The following SERPINB11 variants were observed in gnomAD, a reference collection of about 807,000 sequenced individuals.
SERPINB11 encodes the protein serpin family B member 11, also known as serpin B11.
In SERPINB11, 32 loss-of-function variants were observed where a neutral mutation model predicts 36.7. That is an observed-to-expected ratio of 0.87 (90% CI 0.66 to 1.17). The LOEUF (loss-of-function observed/expected upper bound fraction) is 1.17, where lower values mean the gene tolerates loss of function less well. SERPINB11 is among the 50% of genes most tolerant of loss of function. The pLI, the probability that SERPINB11 is intolerant of heterozygous loss-of-function variation, is 0.00. For synonymous variants in SERPINB11, 174 were observed against 168.1 expected, an observed-to-expected ratio of 1.04 and a Z score of -0.27; for missense variants, 528 against 458.4, an observed-to-expected ratio of 1.15 and a Z score of -1.39.
Position 63,723,482 on chromosome 18 carries a change from C to G in SERPINB11, c.*83C>G. The G allele has an allele frequency of 8.2e-7, 1 of 1,220,190 alleles. No individual in the cohort carries two copies. Among genetic ancestry groups the G allele is most frequent in the Non-Finnish European group, 1.2e-6 (1 of 868,074 alleles). The allele number at this position is 1,220,190 out of a possible 1,614,324, so 75.6% of individuals were successfully genotyped here. A position where few individuals can be genotyped will look rare whatever the true frequency, so the allele number is the denominator to read the frequency against. On this transcript the variant is annotated 3_prime_UTR_variant, in exon 8 of 8. Transcript: ENST00000544088. ...ACTTTCCCACGGCCAAAAAGCTGTT[C>G]ACACCTCACACACCTCTGTGCCTCA...
At chr18:63,719,445 C>A (rs1222049456) in intron 5 of SERPINB11, among the ~76,000 whole-genome samples, 1 of 151,834 alleles carries the variant, frequency 6.6e-6, no homozygotes, top group African/African-American at 2.4e-5. Flanking sequence ...TGCAATGTAC[C>A]AAAATGCACC....
At chr18:63,703,742 T>A (rs1032675571) in intron 1 of SERPINB11, among the ~76,000 whole-genome samples, 2 of 152,148 alleles carry the variant, frequency 1.3e-5, no homozygotes, top group South Asian at 2.1e-4. Context: ...CCCTTGGAGA[T>A]GTATTTCCCC....
intron 1 of SERPINB11, among the ~76,000 whole-genome samples, chr18:63,707,797 C>A (rs1273916177): frequency 6.6e-6 from 1 of 152,126 alleles, no homozygotes; most frequent in Non-Finnish European, 1.5e-5. Context: ...TGTCTAGATG[C>A]TGGAATAAAA....
chr18:63,720,072 G>A lies in SERPINB11; in HGVS notation c.535G>A (p.Val179Met), dbSNP rs970923488. The change falls in exon 6 of 8, where the codon GTG (valine) becomes ATG (methionine). Residue 179 changes from valine to methionine, a missense_variant. Val to Met is a conservative substitution (Grantham distance 21). Transcript: ENST00000544088. Reference protein sequence around the residue: ...TIDPSSVMVLVNAIYFKGQWQ... With the variant: ...TIDPSSVMVLMNAIYFKGQWQ... ...TGACCCTTCATCTGTAATGGTCCTG[G>A]TGAATGCCATATATTTCAAAGGACA... is the stretch of plus-strand genomic sequence containing the variant. 1 of 1,610,360 alleles carries A rather than the reference G, an allele frequency of 6.2e-7. No homozygotes were observed. Among genetic ancestry groups the A allele is most frequent in the African/African-American group, 1.3e-5 (1 of 74,760 alleles).
intron 1 of SERPINB11, among the ~76,000 whole-genome samples, chr18:63,709,580 C>G (rs1033189345): frequency 2.3e-5 from 3 of 132,616 alleles, no homozygotes; most frequent in African/African-American, 8.1e-5. Flanking sequence ...CACTGCACTC[C>G]AGTCTGGGCG....
intron 4 of SERPINB11, among the ~76,000 whole-genome samples, chr18:63,714,704 T>G (rs1914621802): frequency 6.6e-6 from 1 of 152,204 alleles, no homozygotes; most frequent in Non-Finnish European, 1.5e-5. Context: ...ATCTCCCTAG[T>G]TCCCTGAACA....
At position 63,723,880 on chromosome 18, in the gene SERPINB11, A is replaced by G. The variant is rs1041189521; in HGVS notation, c.*481A>G. ...CTGTTGAGAATAATAAATGCATGAAATACCTTAAAGCTCTGTGAAGACTTG... is the reference window on the plus strand; with the variant it reads ...CTGTTGAGAATAATAAATGCATGAAGTACCTTAAAGCTCTGTGAAGACTTG... On this transcript the variant is annotated 3_prime_UTR_variant, in exon 8 of 8. Coordinates refer to ENST00000544088, the MANE Select transcript of SERPINB11 (RefSeq NM_001370475.1). 3 of 154,978 alleles carry G rather than the reference A, an allele frequency of 1.9e-5. No individual in the cohort carries two copies. The highest frequency in any genetic ancestry group is 7.2e-5 in the African/African-American group (3 of 41,542). 9.6% of individuals were successfully genotyped at this position (154,978 alleles called of 1,614,324 possible).
At chr18:63,710,502 T>C in intron 2 of SERPINB11, 141 bp downstream of exon 2, 2 of 643,800 alleles carry the variant, frequency 3.1e-6, no homozygotes, top group South Asian at 5.5e-5. Flanking sequence ...ATCATATTTC[T>C]TAAAAATTGA....
rs1166660165 is a variant in SERPINB11, at chr18:63,723,529, G to T, written c.*130G>T. On this transcript the variant is annotated 3_prime_UTR_variant, in exon 8 of 8. Transcript: ENST00000544088. ...CTCAGTTTGCTCATCTGCAAAATAGGTCTAGGATTTCTTCCAACCATTTCA... is the reference window on the plus strand; with the variant it reads ...CTCAGTTTGCTCATCTGCAAAATAGTTCTAGGATTTCTTCCAACCATTTCA... The T allele has an allele frequency of 2.5e-6, 2 of 785,428 alleles. No homozygotes were observed. Among genetic ancestry groups the T allele is most frequent in the Non-Finnish European group, 4.0e-6 (2 of 497,332 alleles). The allele number at this position is 785,428 out of a possible 1,614,324, so 48.7% of individuals were successfully genotyped here. A position where few individuals can be genotyped will look rare whatever the true frequency, so the allele number is the denominator to read the frequency against.
rs749545750 is a variant in SERPINB11, at chr18:63,711,347, A to G, written c.181A>G (p.Ser61Gly). The G allele has an allele frequency of 4.3e-6, 7 of 1,609,928 alleles. No individual in the cohort carries two copies. The highest frequency in any genetic ancestry group is 1.1e-5 in the South Asian group (1 of 90,940). Residue 61 changes from serine (S) to glycine (G), a missense_variant, in exon 3 of 8, where the codon AGT becomes GGT. By Grantham distance (56) the Ser-to-Gly change is moderately conservative. Coordinates refer to ENST00000544088, the MANE Select transcript of SERPINB11 (RefSeq NM_001370475.1). Reference protein sequence around the residue: ...EEQLEKVLHFSHTVDSLKPGF... With the variant: ...EEQLEKVLHFGHTVDSLKPGF... ...TTTTCTTTTCTAGGTGCTTCATTTTAGTCATACTGTAGACTCATTAAAACC... is the reference window on the plus strand; with the variant it reads ...TTTTCTTTTCTAGGTGCTTCATTTTGGTCATACTGTAGACTCATTAAAACC...
In SERPINB11 at chr18:63,723,372, A is replaced by T; in HGVS notation, c.1152A>T (p.Leu384=). 1 of 1,608,810 alleles carries T rather than the reference A, an allele frequency of 6.2e-7. No homozygotes were observed. The highest frequency in any genetic ancestry group is 2.2e-5 in the East Asian group (1 of 44,738). ...FIRHTHTNTI[L]FCGKLASP The stretch of plus-strand genomic sequence containing the variant: ...GGCACACTCATACCAACACGATCCT[A>T]TTCTGTGGCAAGCTTGCCTCTCCCT... The change falls in exon 8 of 8, where the codon CTA becomes CTT. Residue 384 remains leucine (L), a synonymous_variant. Coordinates refer to ENST00000544088, the MANE Select transcript of SERPINB11 (RefSeq NM_001370475.1).
At chr18:63,703,552 G>T (rs929937721) in intron 1 of SERPINB11, among the ~76,000 whole-genome samples, 45 of 152,162 alleles carry the variant, frequency 3.0e-4, no homozygotes, top group Non-Finnish European at 6.0e-4. Flanking sequence ...ACTATTTTTA[G>T]GAATGAGCAT....
intron 7 of SERPINB11, 120 bp downstream of exon 7, chr18:63,721,106 T>C (rs1052296548): frequency 8.2e-6 from 8 of 978,404 alleles, no homozygotes; most frequent in Admixed American, 7.6e-5. Context: ...ATCTAAGCCT[T>C]AGTAGGATTG....
In SERPINB11 at chr18:63,723,159, C is replaced by T. The variant is rs747463898; in HGVS notation, c.939C>T (p.Val313=). 6.2e-7 allele frequency: 1 copy of T among 1,612,020 alleles called. No homozygotes were observed. The highest frequency in any genetic ancestry group is 8.5e-7 in the Non-Finnish European group (1 of 1,178,882). Reference sequence around the variant, plus strand: ...GGGTGACAGATCTCTTCAACCAGGTCAAAGCTGATCTTTCTGGAATGTCAC... The same window carrying T: ...GGGTGACAGATCTCTTCAACCAGGTTAAAGCTGATCTTTCTGGAATGTCAC... The part of the protein sequence containing the change: ...SLGVTDLFNQ[V]KADLSGMSPT... Residue 313 remains valine, a synonymous_variant, in exon 8 of 8, where the codon GTC becomes GTT. Coordinates refer to ENST00000544088, the MANE Select transcript of SERPINB11 (RefSeq NM_001370475.1).
upstream of SERPINB11, among the ~76,000 whole-genome samples, chr18:63,702,636 T>C (rs1374129658): frequency 6.6e-6 from 1 of 152,152 alleles, no homozygotes; most frequent in Admixed American, 6.6e-5. Flanking sequence ...CTGGTCATCT[T>C]GGGAGTCTCT....
chr18:63,716,517 T>C (rs1329642127), intron 5 of SERPINB11, among the ~76,000 whole-genome samples: 1 of 152,142 alleles, frequency 6.6e-6, no homozygotes, highest in Non-Finnish European at 1.5e-5. Flanking sequence ...GTAAAGAGAA[T>C]ATATAATGAA....
At chr18:63,714,541 C>T (rs1414352417) in intron 4 of SERPINB11, among the ~76,000 whole-genome samples, 1 of 152,066 alleles carries the variant, frequency 6.6e-6, no homozygotes, top group Admixed American at 6.6e-5. Context: ...CCCAGAGCAG[C>T]CATTTCAGAG....
intron 7 of SERPINB11, 63 bp from the exon 8 acceptor site, chr18:63,722,932 T>G: frequency 5.1e-5 from 72 of 1,420,208 alleles, no homozygotes; most frequent in Non-Finnish European, 6.0e-5. Context: ...TAAAAACATA[T>G]GATATTTAAT....
chr18:63,719,998 T>TA lies in SERPINB11; in HGVS notation c.476-14dup. The TA allele has an allele frequency of 1.3e-6, 2 of 1,582,184 alleles. No individual in the cohort carries two copies. On this transcript the variant is annotated splice_polypyrimidine_tract_variant and intron_variant, in intron 5 of 7. Transcript: ENST00000544088. ...AGTTCAAATCCAAATATAATTATCT[T>TA]ATTTTTTATACAAGGAAAAGTCGCA... is the stretch of plus-strand genomic sequence containing the variant.
Sources: gnomAD v4.1 joint callset for allele counts (sites outside exome capture counted in the v4.1 genomes callset) on GRCh38, gnomAD v4.1.1 for gene constraint, MANE v1.5 for transcripts, NCBI Gene and HGNC (gene_info 2026-07-23, HGNC 2026-07-21) for gene names.